The following NXN variants were observed in gnomAD, a reference collection of about 807,000 sequenced individuals.
NXN encodes nucleoredoxin, also known as nucleoredoxin 1.
NXN carries 16 observed loss-of-function variants against 48.6 expected under a neutral mutation model. The ratio of observed to expected loss-of-function variants is 0.33; its 90% CI spans 0.22 to 0.50. NXN has a LOEUF of 0.50. NXN is among the 20% of genes least tolerant of loss of function. The pLI is 0.98. For missense variants in NXN, 492 were observed against 605.5 expected (o/e 0.81, Z 1.97); for synonymous variants, 281 against 269.6 (o/e 1.04, Z -0.41).
intron 1 of NXN, among the ~76,000 whole-genome samples, chr17:826,411 C>T (rs11654747): frequency 1.6e-3 from 236 of 152,208 alleles, no homozygotes; most frequent in Non-Finnish European, 2.3e-3. Context: ...GACTCAGAGG[C>T]GGAGGCTGAT....
chr17:914,787 G>T (rs78929125), intron 1 of NXN, among the ~76,000 whole-genome samples: 6 of 152,140 alleles, frequency 3.9e-5, no homozygotes, highest in African/African-American at 1.4e-4. Context: ...TGTAGAGGAG[G>T]CGGAGCTGGA....
In NXN at chr17:920,775, T is replaced by G. The variant is rs942941840; in HGVS notation, c.360+58544A>C. Among the ~76,000 whole-genome samples the G allele has an allele frequency of 1.1e-4, 16 of 149,738 alleles. No homozygotes were observed. The highest frequency in any genetic ancestry group is 1.8e-4 in the Non-Finnish European group (12 of 67,622). On this transcript the variant is annotated intron_variant, in intron 1 of 7. Transcript: ENST00000336868. This position sits in a 1 kb window ranked among gnomAD's most constrained non-coding sequence, Gnocchi z 4.6. ...TCTCGCCCTGTTGCCCAGGCTGGAG[T>G]GCAGTGGTGGGATCTCGGCTCGCTG...
intron 1 of NXN, 23 bp from the exon 2 acceptor site, chr17:826,101 A>C (rs757518241): frequency 2.6e-5 from 39 of 1,517,390 alleles, no homozygotes; most frequent in Non-Finnish European, 3.3e-5. Context: ...AAGCAAAAGA[A>C]GGTGGTTAAG....
chr17:903,523 C>T (rs538441), intron 1 of NXN, among the ~76,000 whole-genome samples: 125,947 of 152,080 alleles, frequency 0.83, 52,455 homozygotes, highest in African/African-American at 0.89. Flanking sequence ...GCTGGGACTA[C>T]AGGCGTGCGC....
chr17:894,024 C>A (rs1265364782), intron 1 of NXN, among the ~76,000 whole-genome samples: 6 of 101,098 alleles, frequency 5.9e-5, no homozygotes, highest in Admixed American at 9.2e-5. Context: ...CATCTCAACT[C>A]CCTGGAAGCC....
chr17:916,956 G>A (rs2068694296), intron 1 of NXN, among the ~76,000 whole-genome samples: 2 of 152,106 alleles, frequency 1.3e-5, no homozygotes, highest in Admixed American at 6.6e-5. Context: ...TAACCTCTTC[G>A]TTGTAAATTT....
intron 1 of NXN, among the ~76,000 whole-genome samples, chr17:876,695 A>G (rs931266252): frequency 6.6e-6 from 1 of 152,170 alleles, no homozygotes; most frequent in South Asian, 2.1e-4. Flanking sequence ...TTTATACGGG[A>G]AACTCCTTGT....
chr17:866,001 G>C (rs980408637), intron 1 of NXN, among the ~76,000 whole-genome samples: 6 of 151,932 alleles, frequency 3.9e-5, no homozygotes, highest in South Asian at 2.1e-4. Context: ...AGAAAAAAAA[G>C]TGTGTGCGAC....
chr17:881,417 G>A (rs767581554), intron 1 of NXN, among the ~76,000 whole-genome samples: 17 of 152,102 alleles, frequency 1.1e-4, no homozygotes, highest in African/African-American at 4.1e-4. Flanking sequence ...CATTGAGACG[G>A]GGTTTCGCCA....
intron 1 of NXN, among the ~76,000 whole-genome samples, chr17:853,723 A>ATATATATATATATTTTT (rs1491528474): frequency 1.3e-4 from 14 of 105,966 alleles, no homozygotes; most frequent in Non-Finnish European, 1.8e-4. Flanking sequence ...ATATATATAT[A>ATATATATATATATTTTT]TTTTTTTTTT....
intron 5 of NXN, among the ~76,000 whole-genome samples, chr17:810,706 A>G (rs1238627168): frequency 6.6e-6 from 1 of 152,172 alleles, no homozygotes; most frequent in Non-Finnish European, 1.5e-5. Flanking sequence ...CCTGACCAAC[A>G]TGGTGAAACC....
In NXN at chr17:920,741, G is replaced by C. The variant is rs1312517471; in HGVS notation, c.360+58578C>G. ...GAAGCCTTTTTTTTTTTTTTCCTTTGAAACAGAGTCTCGCCCTGTTGCCCA... is the reference window on the plus strand; with the variant it reads ...GAAGCCTTTTTTTTTTTTTTCCTTTCAAACAGAGTCTCGCCCTGTTGCCCA... On this transcript the variant is annotated intron_variant, in intron 1 of 7. Transcript: ENST00000336868. The surrounding 1 kb of genome is among the most constrained non-coding windows in gnomAD (Gnocchi z 4.6). Among the ~76,000 whole-genome samples, 1 of 140,012 alleles carries C rather than the reference G, an allele frequency of 7.1e-6. No individual in the cohort carries two copies. Among genetic ancestry groups the C allele is most frequent in the African/African-American group, 2.7e-5 (1 of 37,412 alleles). 91.9% of individuals were successfully genotyped at this position (140,012 alleles called of 152,430 possible).
chr17:966,275 T>G (rs2069301836), intron 1 of NXN, among the ~76,000 whole-genome samples: 1 of 152,128 alleles, frequency 6.6e-6, no homozygotes, highest in Non-Finnish European at 1.5e-5. Context: ...ATTTGTAAAC[T>G]TTCTTAAAAC....
chr17:953,325 G>A (rs981222822), intron 1 of NXN, among the ~76,000 whole-genome samples: 2 of 152,166 alleles, frequency 1.3e-5, no homozygotes, highest in African/African-American at 2.4e-5. Context: ...TGAGGCAGGA[G>A]AATCGCTTGA....
chr17:874,023 C>A (rs1249498044), intron 1 of NXN, among the ~76,000 whole-genome samples: 2 of 152,064 alleles, frequency 1.3e-5, no homozygotes, highest in African/African-American at 4.8e-5. Flanking sequence ...GAATTCTAGT[C>A]CCCATAATCC....
At chr17:906,124 C>G (rs2068579255) in intron 1 of NXN, among the ~76,000 whole-genome samples, 1 of 152,082 alleles carries the variant, frequency 6.6e-6, no homozygotes. Flanking sequence ...TTCATCGTAT[C>G]TGGGTCTCAG....
rs1198978381 is a variant in NXN, at chr17:919,591, C to T, written c.360+59728G>A. On this transcript the variant is annotated intron_variant, in intron 1 of 7. Transcript: ENST00000336868. The surrounding 1 kb of genome is among the most constrained non-coding windows in gnomAD (Gnocchi z 5.1). The stretch of plus-strand genomic sequence containing the variant: ...CCTCCTCGTATCGTGGGTTACAGAA[C>T]CTACGTCGTCCTCGGAATCCCCGCA... 1.3e-5 allele frequency among the ~76,000 whole-genome samples: 2 copies of T among 152,076 alleles called. No individual in the cohort carries two copies. The highest frequency in any genetic ancestry group is 1.3e-4 in the Admixed American group (2 of 15,252).
chr17:895,680 T>A (rs1201229216), intron 1 of NXN, among the ~76,000 whole-genome samples: 1 of 149,548 alleles, frequency 6.7e-6, no homozygotes, highest in Non-Finnish European at 1.5e-5. Context: ...TAGCCAGGCG[T>A]GGTGGTGGGC....
chr17:812,658 C>CTAGGTGTGTGTGAG lies in NXN; in HGVS notation c.820+6780_820+6781insCTCACACACACCTA, dbSNP rs367703303. Among the ~76,000 whole-genome samples, 824 of 107,964 alleles carry CTAGGTGTGTGTGAG rather than the reference C, an allele frequency of 7.6e-3. 7 individuals carry two copies. The highest frequency in any genetic ancestry group is 0.025 in the African/African-American group (783 of 31,600). The allele number at this position is 107,964 out of a possible 152,430, so 70.8% of individuals were successfully genotyped here. ...TGTGTGTGAGTGTGCATGTGTGTGA[C>CTAGGTGTGTGTGAG]TGTAGGTGTGTGTGAGTGTAGGTGT... is the stretch of plus-strand genomic sequence containing the variant. On this transcript the variant is annotated intron_variant, in intron 5 of 7. Coordinates refer to ENST00000336868, the MANE Select transcript of NXN (RefSeq NM_022463.5).
Sources: gnomAD v4.1 joint callset for allele counts (sites outside exome capture counted in the v4.1 genomes callset) on GRCh38, gnomAD v4.1.1 for gene constraint, Gnocchi (gnomAD v3.1) non-coding constraint, MANE v1.5 for transcripts, NCBI Gene and HGNC (gene_info 2026-07-23, HGNC 2026-07-21) for gene names.